Variants in NRIP1 observed in about 807,000 individuals in gnomAD.
NRIP1 encodes the protein nuclear receptor-interacting protein 1.
A neutral mutation model predicts 75.0 loss-of-function variants in NRIP1; 28 were observed. The ratio of observed to expected loss-of-function variants is 0.37; its 90% CI spans 0.28 to 0.51. NRIP1 has a LOEUF of 0.51. Ranked by LOEUF, NRIP1 falls within the 20% of genes least tolerant of loss-of-function variation. The pLI is 0.92. For missense variants in NRIP1, 1,435 were observed against 1,343.7 expected (o/e 1.07, Z -1.06); for synonymous variants, 526 against 487.6 (o/e 1.08, Z -1.04).
intron 3 of NRIP1, among the ~76,000 whole-genome samples, chr21:14,974,553 C>G (rs1018361506): frequency 2.6e-5 from 4 of 152,114 alleles, no homozygotes; most frequent in Admixed American, 6.5e-5. Context: ...CAAACACCTG[C>G]CTTAAGTATC....
intron 3 of NRIP1, among the ~76,000 whole-genome samples, chr21:15,001,527 CACT>C (rs941161511): frequency 1.3e-5 from 2 of 151,996 alleles, no homozygotes; most frequent in African/African-American, 2.4e-5. Flanking sequence ...CCAAATTGTA[CACT>C]ACAAGTCTCT....
At chr21:14,985,391 G>T (rs370696886) in intron 3 of NRIP1, among the ~76,000 whole-genome samples, 1 of 152,134 alleles carries the variant, frequency 6.6e-6, no homozygotes, top group African/African-American at 2.4e-5. Context: ...GAATAAAAAA[G>T]TATTTTATCC....
intron 1 of NRIP1, chr21:15,050,333 T>C (rs2089174462): frequency 5.1e-6 from 1 of 196,242 alleles, no homozygotes; most frequent in South Asian, 8.9e-5. Flanking sequence ...ACTTTTGTTT[T>C]TCTCAAACAT....
rs1978380216 is a variant in NRIP1 at position 15,062,426 on chromosome 21, G to A, written c.-538+2319C>T. 2.0e-5 allele frequency among the ~76,000 whole-genome samples: 3 copies of A among 152,124 alleles called. No individual in the cohort carries two copies. In the South Asian group the frequency reaches 6.2e-4, roughly 32 times the overall value. On this transcript the variant is annotated intron_variant, in intron 1 of 3. Transcript: ENST00000318948. ...CAAAAAGTTCTAATGGCATCTGATT[G>A]GGAAGATTTCTTGAATCTCTGATAA...
chr21:14,988,426 T>TAGAC lies in NRIP1; in HGVS notation c.-334-19901_-334-19900insGTCT, dbSNP rs1178672452. On this transcript the variant is annotated intron_variant, in intron 3 of 3. Transcript: ENST00000318948. ...CTTAGGATTGTCTTTTGTCTTTAGA[T>TAGAC]AGATAGATAGATAGATAGATAGATA... Among the ~76,000 whole-genome samples the TAGAC allele has an allele frequency of 3.3e-4, 5 of 15,186 alleles. No homozygotes were observed. The East Asian group carries it at 4.7e-3, about 14-fold the overall frequency. 10.0% of individuals were successfully genotyped at this position (15,186 alleles called of 152,430 possible).
chr21:15,046,400 T>G (rs187615722), intron 1 of NRIP1, among the ~76,000 whole-genome samples: 1 of 152,344 alleles, frequency 6.6e-6, no homozygotes, highest in Non-Finnish European at 1.5e-5. Context: ...AGGAATCTTT[T>G]TTTTCTGAGC....
rs2086791881 is a variant in NRIP1, at chr21:14,967,591, G to GT, written c.601dup (p.Thr201AsnfsTer5). On this transcript the variant is annotated frameshift_variant, in exon 4 of 4. Transcript: ENST00000318948. LOFTEE classifies it high-confidence loss of function. ...GTTTTTAGTCACATCAGGAAGATTC[G>GT]TATCAGGCTTTTGATCTTTAACTTT... 3 of 1,613,976 alleles carry GT rather than the reference G, an allele frequency of 1.9e-6. No individual in the cohort carries two copies. The highest frequency in any genetic ancestry group is 2.5e-6 in the Non-Finnish European group (3 of 1,179,990).
At chr21:15,003,402 AG>A (rs2087893389) in intron 3 of NRIP1, among the ~76,000 whole-genome samples, 1 of 152,220 alleles carries the variant, frequency 6.6e-6, no homozygotes, top group South Asian at 2.1e-4. Flanking sequence ...AAAAATCAGT[AG>A]GAACAATTAA....
intron 3 of NRIP1, among the ~76,000 whole-genome samples, chr21:15,000,456 C>A (rs908629449): frequency 1.3e-5 from 2 of 151,932 alleles, no homozygotes; most frequent in East Asian, 1.9e-4. Flanking sequence ...ATCTTCCACT[C>A]CATCAAAAAA....
At chr21:15,057,363 C>T (rs534080657) in intron 1 of NRIP1, among the ~76,000 whole-genome samples, 35 of 152,324 alleles carry the variant, frequency 2.3e-4, no homozygotes, top group African/African-American at 8.2e-4. Context: ...CTTTCACTGC[C>T]TCAAATAACA....
rs375133075 is a variant in NRIP1, at chr21:14,967,145, T to A, written c.1048A>T (p.Met350Leu). The A allele has an allele frequency of 6.2e-7, 1 of 1,613,980 alleles. No individual in the cohort carries two copies. The highest frequency in any genetic ancestry group is 1.3e-5 in the African/African-American group (1 of 74,924). Residue 350 changes from methionine to leucine, a missense_variant, in exon 4 of 4, where the codon ATG (methionine) becomes TTG (leucine). By Grantham distance (15) the Met-to-Leu change is conservative. Coordinates refer to ENST00000318948, the MANE Select transcript of NRIP1 (RefSeq NM_003489.4). ...TTAGGGGAAGAAGGAATGATACCCA[T>A]TGGATTTTGAAACACTGTAGCACTA... ...KSSATVFQNP[M>L]GIIPSSPKNA... is the part of the protein sequence containing the mutation.
At chr21:15,012,368 G>A (rs751494755) in intron 3 of NRIP1, among the ~76,000 whole-genome samples, 9 of 150,502 alleles carry the variant, frequency 6.0e-5, no homozygotes, top group Non-Finnish European at 1.2e-4. Context: ...ATATGTGAAA[G>A]GAATATAGAA....
At chr21:15,015,596 A>G (rs532391109) in intron 2 of NRIP1, among the ~76,000 whole-genome samples, 2 of 152,160 alleles carry the variant, frequency 1.3e-5, no homozygotes, top group Non-Finnish European at 2.9e-5. Context: ...AAAATGAAAA[A>G]ATTAGAAATA....
chr21:14,965,628 G>A lies in NRIP1; in HGVS notation c.2565C>T (p.Val855=), dbSNP rs776416018. 1.9e-6 allele frequency: 3 copies of A among 1,613,292 alleles called. No individual in the cohort carries two copies. Among genetic ancestry groups the A allele is most frequent in the East Asian group, 2.2e-5 (1 of 44,874 alleles). ...ALLESKNLCM[V]PKKRKLYTEP... is the part of the protein sequence containing the mutation. ...CAGTATAAAGCTTCCTTTTCTTAGG[G>A]ACCATGCAAAGATTCTTTGATTCTA... is the stretch of plus-strand genomic sequence containing the variant. The change falls in exon 4 of 4, where the codon GTC becomes GTT. Residue 855 remains valine, a synonymous_variant. Transcript: ENST00000318948.
At chr21:15,040,652 T>TA in intron 2 of NRIP1, among the ~76,000 whole-genome samples, 1 of 152,160 alleles carries the variant, frequency 6.6e-6, no homozygotes, top group East Asian at 1.9e-4. Context: ...AAAATCCACT[T>TA]TCAGTATTTC....
intron 2 of NRIP1, among the ~76,000 whole-genome samples, chr21:15,036,656 G>A (rs915791287): frequency 4.6e-5 from 7 of 151,712 alleles, no homozygotes; most frequent in Admixed American, 1.3e-4. Flanking sequence ...TTCTTAGCAC[G>A]AGAACCATGC....
chr21:14,970,436 C>T (rs2086870714), intron 3 of NRIP1, among the ~76,000 whole-genome samples: 2 of 152,180 alleles, frequency 1.3e-5, no homozygotes, highest in South Asian at 2.1e-4. Context: ...GTCCCAGCTA[C>T]TCAGGAGGCT....
chr21:15,045,849 T>G (rs1032230689), intron 1 of NRIP1, among the ~76,000 whole-genome samples: 2 of 152,244 alleles, frequency 1.3e-5, no homozygotes, highest in African/African-American at 4.8e-5. Flanking sequence ...CAGGAGTAGA[T>G]TCCATCTCTA....
chr21:15,006,812 C>T (rs2087984214), intron 3 of NRIP1, among the ~76,000 whole-genome samples: 1 of 152,170 alleles, frequency 6.6e-6, no homozygotes, highest in African/African-American at 2.4e-5. Flanking sequence ...CGGTGATTTT[C>T]TTCCTTAGTC....
Sources: allele counts gnomAD v4.1 joint callset (sites outside exome capture counted in the v4.1 genomes callset), GRCh38; gene constraint gnomAD v4.1.1; transcripts MANE v1.5; gene names NCBI Gene and HGNC (gene_info 2026-07-23, HGNC 2026-07-21).